VPS13B: variants seen among roughly 807,000 people sequenced by gnomAD.
The protein encoded by VPS13B is intermembrane lipid transfer protein VPS13B.
Under a neutral mutation model 426.4 loss-of-function variants are expected in VPS13B, and 285 were observed. The observed-to-expected ratio is 0.67, with a 90% CI of 0.61 to 0.74. The LOEUF (loss-of-function observed/expected upper bound fraction) is 0.74, where lower values mean the gene tolerates loss of function less well. VPS13B is among the 30% of genes least tolerant of loss of function. The pLI is 0.00. For missense variants in VPS13B, 4,537 were observed against 4,782.6 expected (o/e 0.95, Z 1.51); for synonymous variants, 1,676 against 1,676.4 (o/e 1.00, Z 0.01).
intron 34 of VPS13B, among the ~76,000 whole-genome samples, chr8:99,659,276 A>G (rs1245516773): frequency 6.6e-6 from 1 of 152,030 alleles, no homozygotes; most frequent in Non-Finnish European, 1.5e-5. Context: ...AGTAATTTTC[A>G]TTTATTGCTT....
chr8:99,202,898 G>C lies in VPS13B; in HGVS notation c.2515+9841G>C, dbSNP rs573730608. On this transcript the variant is annotated intron_variant, in intron 17 of 61. Transcript: ENST00000357162. The stretch of plus-strand genomic sequence containing the variant: ...AAATACAAAAAATTAACTGGGCGTG[G>C]TGGTGGGCACCTGTAGTCCCAGTTA... Among the ~76,000 whole-genome samples, 4 of 152,176 alleles carry C rather than the reference G, an allele frequency of 2.6e-5. No homozygotes were observed. The East Asian group carries it at 7.7e-4, about 29-fold the overall frequency.
chr8:99,136,835 G>T, intron 12 of VPS13B, 83 bp downstream of exon 12: 1 of 1,281,768 alleles, frequency 7.8e-7, no homozygotes, highest in East Asian at 2.3e-5. Flanking sequence ...TCCTTGACTG[G>T]TTGTACTCTG....
At chr8:99,634,698 A>C (rs1829000701) in intron 33 of VPS13B, among the ~76,000 whole-genome samples, 1 of 152,046 alleles carries the variant, frequency 6.6e-6, no homozygotes, top group South Asian at 2.1e-4. Flanking sequence ...AAGGTAGTGC[A>C]TACAGTGCTT....
chr8:99,258,082 TATC>T (rs1239646358), intron 17 of VPS13B, among the ~76,000 whole-genome samples: 7 of 151,794 alleles, frequency 4.6e-5, no homozygotes, highest in African/African-American at 1.4e-4. Flanking sequence ...AATGCTAAAT[TATC>T]ATCATTTAGT....
chr8:99,696,720 T>C, intron 35 of VPS13B: 1 of 951,208 alleles, frequency 1.1e-6, no homozygotes, highest in Non-Finnish European at 1.7e-6. Flanking sequence ...ACTTCTCCGT[T>C]TTCCCAGAAG....
intron 39 of VPS13B, among the ~76,000 whole-genome samples, chr8:99,746,091 C>T (rs1027571974): frequency 1.3e-5 from 2 of 151,992 alleles, no homozygotes; most frequent in South Asian, 2.1e-4. Context: ...ATTATTTGGC[C>T]TGTAAATTTT....
chr8:99,854,815 C>T (rs1293543872), intron 56 of VPS13B, among the ~76,000 whole-genome samples: 6 of 152,124 alleles, frequency 3.9e-5, no homozygotes, highest in Non-Finnish European at 8.8e-5. Context: ...AGCCCTCTAT[C>T]TACCCAGTGC....
chr8:99,244,076 T>C (rs1196860111), intron 17 of VPS13B, among the ~76,000 whole-genome samples: 1 of 152,238 alleles, frequency 6.6e-6, no homozygotes, highest in Non-Finnish European at 1.5e-5. Flanking sequence ...CAAATAATTC[T>C]AAGGTTAACA....
At chr8:99,728,980 CCTTT>C (rs1000051064) in intron 39 of VPS13B, among the ~76,000 whole-genome samples, 4 of 151,678 alleles carry the variant, frequency 2.6e-5, no homozygotes, top group Admixed American at 2.0e-4. Context: ...TTTTTTTCTC[CCTTT>C]CTTCTTAGGC....
At chr8:99,231,822 ACTTTC>A (rs1326087614) in intron 17 of VPS13B, among the ~76,000 whole-genome samples, 1 of 152,182 alleles carries the variant, frequency 6.6e-6, no homozygotes. Context: ...ATAAATTGCT[ACTTTC>A]CTTCACATTT....
intron 39 of VPS13B, among the ~76,000 whole-genome samples, chr8:99,746,981 T>G (rs1810123997): frequency 6.6e-6 from 1 of 152,118 alleles, no homozygotes; most frequent in Non-Finnish European, 1.5e-5. Flanking sequence ...CCAAATAACA[T>G]TTTTATAAAA....
At chr8:99,738,298 A>G (rs1353370678) in intron 39 of VPS13B, among the ~76,000 whole-genome samples, 2 of 152,094 alleles carry the variant, frequency 1.3e-5, no homozygotes, top group Admixed American at 1.3e-4. Context: ...TTTTGTTTTT[A>G]ATTCTCCATG....
chr8:99,550,192 A>C (rs1217751932), intron 30 of VPS13B, among the ~76,000 whole-genome samples: 1 of 152,108 alleles, frequency 6.6e-6, no homozygotes, highest in Non-Finnish European at 1.5e-5. Flanking sequence ...AGTCCTGACT[A>C]AGGCTATGAG....
At chr8:99,278,273 G>A (rs910891952) in intron 19 of VPS13B, among the ~76,000 whole-genome samples, 5 of 152,140 alleles carry the variant, frequency 3.3e-5, no homozygotes, top group African/African-American at 4.8e-5. Flanking sequence ...AAGTCAATTA[G>A]GAAGTGAGTT....
intron 4 of VPS13B, among the ~76,000 whole-genome samples, chr8:99,101,058 T>A (rs1846711876): frequency 6.6e-6 from 1 of 152,034 alleles, no homozygotes; most frequent in Non-Finnish European, 1.5e-5. Flanking sequence ...AAAAAAAAGT[T>A]CCCTGTTCAT....
At chr8:99,225,848 T>C (rs1441784337) in intron 17 of VPS13B, among the ~76,000 whole-genome samples, 2 of 152,242 alleles carry the variant, frequency 1.3e-5, no homozygotes, top group African/African-American at 4.8e-5. Context: ...TCATTTGTCC[T>C]CAAGATAAAG....
chr8:99,510,509 G>A (rs1447855304), intron 28 of VPS13B, among the ~76,000 whole-genome samples: 1 of 152,056 alleles, frequency 6.6e-6, no homozygotes, highest in Non-Finnish European at 1.5e-5. Flanking sequence ...TCCAACCTAT[G>A]TTTTTTTGTT....
At chr8:99,618,643 G>A (rs551050996) in intron 33 of VPS13B, among the ~76,000 whole-genome samples, 20 of 152,196 alleles carry the variant, frequency 1.3e-4, no homozygotes, top group Non-Finnish European at 2.8e-4. Context: ...TGCCGATGCT[G>A]CTAAACTTAA....
At position 99,136,772 on chromosome 8, in the gene VPS13B, A is replaced by G. The variant is rs1452478824; in HGVS notation, c.1651+20A>G. 2 of 1,610,318 alleles carry G rather than the reference A, an allele frequency of 1.2e-6. No individual in the cohort carries two copies. Among genetic ancestry groups the G allele is most frequent in the African/African-American group, 1.3e-5 (1 of 74,860 alleles). ...GCAAAGGTATTGGCTTCTTTCCTTTATGTGTGCCATTTCTTGAACAACTGA... is the reference window on the plus strand; with the variant it reads ...GCAAAGGTATTGGCTTCTTTCCTTTGTGTGTGCCATTTCTTGAACAACTGA... On this transcript the variant is annotated intron_variant, in intron 12 of 61. Coordinates refer to ENST00000357162, the MANE Select transcript of VPS13B (RefSeq NM_152564.5).
Sources: allele counts gnomAD v4.1 joint callset (sites outside exome capture counted in the v4.1 genomes callset), GRCh38; gene constraint gnomAD v4.1.1; transcripts MANE v1.5; gene names NCBI Gene and HGNC (gene_info 2026-07-23, HGNC 2026-07-21).